The following MAN2C1 variants were observed in gnomAD, a reference collection of about 807,000 sequenced individuals.
The protein encoded by MAN2C1 is alpha-mannosidase 2C1.
In MAN2C1, 111 loss-of-function variants were observed where a neutral mutation model predicts 126.9. The ratio of observed to expected loss-of-function variants is 0.87; its 90% confidence interval spans 0.75 to 1.02. The LOEUF (loss-of-function observed/expected upper bound fraction) is 1.02. Ranked by LOEUF, MAN2C1 falls within the 50% of genes least tolerant of loss-of-function variation. The probability of loss-of-function intolerance (pLI) is 0.00; values close to 1 mark genes in which losing one functional copy is unlikely to be tolerated. For missense variants in MAN2C1, 1,363 were observed against 1,364.4 expected (o/e 1.00, Z 0.02); for synonymous variants, 567 against 561.5 (o/e 1.01, Z -0.14).
At position 75,368,544 on chromosome 15, in the gene MAN2C1, G is replaced by C. The variant is rs748627142; in HGVS notation, c.40C>G (p.Leu14Val). 47 of 1,553,602 alleles carry C rather than the reference G, an allele frequency of 3.0e-5. No homozygotes were observed. The South Asian group carries it at 5.5e-4, about 18-fold the overall frequency. ...GACACGAACTTCTCCACCCGCTCCA[G>C]CGTGGTGCGCCAGTGCTTCAAGGCC... Reference protein sequence around the residue: ...APALKHWRTTLERVEKFVSPL... With the variant: ...APALKHWRTTVERVEKFVSPL... The change falls in exon 1 of 26, where the codon CTG becomes GTG. Residue 14 changes from leucine to valine, a missense_variant. Leu to Val is a conservative substitution (Grantham distance 32). This residue lies in a region of MAN2C1 where 628 missense variants were observed against 609.8 expected (regional missense o/e 1.03). Coordinates refer to ENST00000267978, the MANE Select transcript of MAN2C1 (RefSeq NM_006715.4).
At chr15:75,359,506 A>G in intron 16 of MAN2C1, 81 bp from the exon 17 acceptor site, 1 of 1,557,732 alleles carries the variant, frequency 6.4e-7, no homozygotes. Context: ...TTGGTGGAAG[A>G]TGTGCTACTA....
intron 6 of MAN2C1, chr15:75,363,135 C>G: frequency 2.2e-6 from 1 of 455,138 alleles, no homozygotes; most frequent in Middle Eastern, 3.4e-4. Flanking sequence ...GCTGTCCTAC[C>G]AGAGGTGCTA....
intron 5 of MAN2C1, 104 bp from the exon 6 acceptor site, chr15:75,364,292 CT>C: frequency 3.7e-6 from 5 of 1,350,050 alleles, no homozygotes; most frequent in East Asian, 2.5e-5. Flanking sequence ...ACCCCCAACC[CT>C]TTTTCCCTGC....
At chr15:75,366,629 G>A (rs2072581131) in intron 3 of MAN2C1, 37 bp from the exon 4 acceptor site, 1 of 1,519,646 alleles carries the variant, frequency 6.6e-7, no homozygotes, top group Non-Finnish European at 9.0e-7. Context: ...AAGGCTTGAG[G>A]CTTTTGGACA....
chr15:75,368,485 G>A lies in MAN2C1; in HGVS notation c.99C>T (p.Gly33=), dbSNP rs756301798. 3 of 1,551,010 alleles carry A rather than the reference G, an allele frequency of 1.9e-6. No individual in the cohort carries two copies. The highest frequency in any genetic ancestry group is 2.6e-6 in the Non-Finnish European group (3 of 1,147,250). Residue 33 remains glycine, a splice_region_variant and synonymous_variant, in exon 1 of 26, where the codon GGC becomes GGT. Transcript: ENST00000267978. ...CTGCGGGGGACCAGGGGCCACACCTGCCGCGGAGGTTACAGTCGGTAAAGT... is the reference window on the plus strand; with the variant it reads ...CTGCGGGGGACCAGGGGCCACACCTACCGCGGAGGTTACAGTCGGTAAAGT... ...PLYFTDCNLR[G]RLFGASCPVA...
chr15:75,363,424 G>T (rs1183027492), intron 6 of MAN2C1: 3 of 416,676 alleles, frequency 7.2e-6, no homozygotes, highest in Non-Finnish European at 1.5e-5. Flanking sequence ...CCCCACCATT[G>T]TGACACCAAC....
Position 75,356,936 on chromosome 15 carries a change from C to T in MAN2C1, c.2548-34G>A, listed in dbSNP as rs1261286160. 3 of 1,568,776 alleles carry T rather than the reference C, an allele frequency of 1.9e-6. No homozygotes were observed. Among genetic ancestry groups the T allele is most frequent in the Non-Finnish European group, 2.6e-6 (3 of 1,139,788 alleles). Reference sequence around the variant, plus strand: ...CAGATCCAAGACCCACTTGGTGGCCCTGTGCCCCTCTTTGTGCTCCCAGAC... The same window carrying T: ...CAGATCCAAGACCCACTTGGTGGCCTTGTGCCCCTCTTTGTGCTCCCAGAC... On this transcript the variant is annotated intron_variant, in intron 21 of 25. Transcript: ENST00000267978. The surrounding 1 kb of genome is among the most constrained non-coding windows in gnomAD (Gnocchi z 5.8).
At position 75,367,601 on chromosome 15, in the gene MAN2C1, G is replaced by A; in HGVS notation, c.261C>T (p.Thr87=). The A allele has an allele frequency of 1.2e-6, 2 of 1,614,170 alleles. No homozygotes were observed. Among genetic ancestry groups the A allele is most frequent in the Non-Finnish European group, 1.7e-6 (2 of 1,180,024 alleles). The change falls in exon 3 of 26, where the codon ACC becomes ACT. Residue 87 remains threonine, a synonymous_variant. Transcript: ENST00000267978. ...CCTGGCCCACCCATGCCTCTGGGAT[G>A]GTCAGCTCCACCCGGAACCAGCAGG... ...WWTCWFRVEL[T]IPEAWVGQEV...
chr15:75,366,159 ATTTAC>A (rs1346046826), intron 4 of MAN2C1: 1 of 322,110 alleles, frequency 3.1e-6, no homozygotes, highest in East Asian at 1.0e-4. Flanking sequence ...AACGGTAGTT[ATTTAC>A]TTCTTTGTGC....
In MAN2C1 at chr15:75,364,172, T is replaced by C; in HGVS notation, c.617A>G (p.Asn206Ser). The C allele has an allele frequency of 6.2e-7, 1 of 1,610,756 alleles. No individual in the cohort carries two copies. Among genetic ancestry groups the C allele is most frequent in the Non-Finnish European group, 8.5e-7 (1 of 1,178,882 alleles). ...LGIAKGLGKD[N>S]QRSFQALYTA... ...GTACAGGGCCTGGAAGCTGCGCTGG[T>C]TGTCCTTCCCGAGGCCCTGCAGCAG... is the stretch of plus-strand genomic sequence containing the variant. Residue 206 changes from asparagine (N) to serine (S), a missense_variant, in exon 6 of 26, where the codon AAC becomes AGC. This residue lies in a region of MAN2C1 where 628 missense variants were observed against 609.8 expected (regional missense o/e 1.03). Transcript: ENST00000267978.
Position 75,356,148 on chromosome 15 carries a change from G to A in MAN2C1, c.2958C>T (p.Cys986=), listed in dbSNP as rs140762875. 8.0e-5 allele frequency: 129 copies of A among 1,613,616 alleles called. No homozygotes were observed. The highest frequency in any genetic ancestry group is 1.1e-4 in the Non-Finnish European group (127 of 1,180,006). The change falls in exon 25 of 26, where the codon TGC becomes TGT. Residue 986 remains cysteine (C), a synonymous_variant. Transcript: ENST00000267978. The surrounding 1 kb of genome is among the most constrained non-coding windows in gnomAD (Gnocchi z 5.8). ...LYEAHGSHVD[C]WLHLSLPVQE... Reference sequence around the variant, plus strand: ...GAACCGGCAGCGACAAGTGCAGCCAGCAGTCCACGTGGCTGCCGTGGGCCT... The same window carrying A: ...GAACCGGCAGCGACAAGTGCAGCCAACAGTCCACGTGGCTGCCGTGGGCCT...
rs750529413 is a variant in MAN2C1 at position 75,366,567 on chromosome 15, G to C, written c.377C>G (p.Thr126Ser). 2 of 1,613,454 alleles carry C rather than the reference G, an allele frequency of 1.2e-6. No individual in the cohort carries two copies. Among genetic ancestry groups the C allele is most frequent in the Non-Finnish European group, 1.7e-6 (2 of 1,179,686 alleles). The change falls in exon 4 of 26, where the codon ACC becomes AGC. Residue 126 changes from threonine (T) to serine (S), a missense_variant. Physicochemically the swap from Thr to Ser is moderately conservative, Grantham distance 58. Transcript: ENST00000267978. ...CAGCCTGTCAGTCAGGACATAGCTGGTCTTCTCACCCTCTTTGGTTAAACC... is the reference window on the plus strand; with the variant it reads ...CAGCCTGTCAGTCAGGACATAGCTGCTCTTCTCACCCTCTTTGGTTAAACC... ...VQGLTKEGEK[T>S]SYVLTDRLGE...
rs765358448 is a variant in MAN2C1, at chr15:75,361,072, G to A, written c.1434C>T (p.Arg478=). Residue 478 remains arginine (R), a synonymous_variant, in exon 12 of 26, where the codon CGC becomes CGT. Transcript: ENST00000267978. The surrounding 1 kb of genome is among the most constrained non-coding windows in gnomAD (Gnocchi z 5.0). ...TGGGCAGCCCATCCGTATTGCTCAG[G>A]CGCTTCAGGCGGTCCAGCATGGTCT... is the stretch of plus-strand genomic sequence containing the variant. The part of the protein sequence containing the change: ...PTQTMLDRLK[R]LSNTDGLPRV... 6.2e-7 allele frequency: 1 copy of A among 1,611,438 alleles called. No individual in the cohort carries two copies. The highest frequency in any genetic ancestry group is 2.2e-5 in the East Asian group (1 of 44,850).
Position 75,359,623 on chromosome 15 carries a change from G to A in MAN2C1, c.1945C>T (p.Leu649=), listed in dbSNP as rs759712031. The A allele has an allele frequency of 3.1e-6, 5 of 1,613,976 alleles. No homozygotes were observed. The East Asian group carries it at 1.1e-4, about 36-fold the overall frequency. The stretch of plus-strand genomic sequence containing the variant: ...AACCCTTCCCCTCAGCTCGTACCTA[G>A]GCTGTGGGCCCCGCCCGGTTTGGGC... ...ALPKPGGAHS[L]ALVTVPSMGY... The change falls in exon 16 of 26, where the codon CTA becomes TTA. Residue 649 remains leucine (L), a synonymous_variant. Transcript: ENST00000267978.
At chr15:75,363,124 A>G (rs1022177232) in intron 6 of MAN2C1, 23 of 450,272 alleles carry the variant, frequency 5.1e-5, no homozygotes, top group Non-Finnish European at 9.3e-5. Context: ...GGATGGAGCC[A>G]GCTGTCCTAC....
chr15:75,357,167 AG>A, intron 21 of MAN2C1: 1 of 436,024 alleles, frequency 2.3e-6, no homozygotes, highest in Non-Finnish European at 4.2e-6. Context: ...TTTTTCACAC[AG>A]GATCTCAGTC....
Position 75,362,316 on chromosome 15 carries a change from A to C in MAN2C1, c.1008+27T>G, listed in dbSNP as rs1595877532. On this transcript the variant is annotated intron_variant, in intron 8 of 25. Transcript: ENST00000267978. The surrounding 1 kb of genome is among the most constrained non-coding windows in gnomAD (Gnocchi z 4.5). ...GGGAAGGCTGTTGTCATACAGTTCA[A>C]GGCTGAGGAGTGCCCAGTGCACTTA... 6.3e-6 allele frequency: 10 copies of C among 1,596,184 alleles called. No homozygotes were observed. The East Asian group carries it at 2.2e-4, about 36-fold the overall frequency.
rs771306884 is a variant in MAN2C1 at position 75,364,476 on chromosome 15, G to C, written c.600+12C>G. Reference sequence around the variant, plus strand: ...CTAGAGGGTAGCAGGGGGTACAGGGGGTGTCAAGTACCTTGGCTATGCCCA... The same window carrying C: ...CTAGAGGGTAGCAGGGGGTACAGGGCGTGTCAAGTACCTTGGCTATGCCCA... On this transcript the variant is annotated intron_variant, in intron 5 of 25. Transcript: ENST00000267978. The C allele has an allele frequency of 6.4e-7, 1 of 1,570,074 alleles. No individual in the cohort carries two copies. Among genetic ancestry groups the C allele is most frequent in the South Asian group, 1.2e-5 (1 of 85,626 alleles).
chr15:75,367,238 T>C (rs1232228433), intron 3 of MAN2C1, among the ~76,000 whole-genome samples: 1 of 152,122 alleles, frequency 6.6e-6, no homozygotes, highest in Non-Finnish European at 1.5e-5. Flanking sequence ...ACAGTGGTTA[T>C]AGCTGGGGAA....
Sources: gnomAD v4.1 joint callset for allele counts (sites outside exome capture counted in the v4.1 genomes callset) on GRCh38, gnomAD v4.1.1 for gene constraint, gnomAD v4.1.1 regional missense constraint, Gnocchi (gnomAD v3.1) non-coding constraint, MANE v1.5 for transcripts, NCBI Gene and HGNC (gene_info 2026-07-23, HGNC 2026-07-21) for gene names.